The following MGAT5B variants were observed in gnomAD, a reference collection of about 807,000 sequenced individuals.
The protein encoded by MGAT5B is alpha-1,6-mannosylglycoprotein 6-beta-N-acetylglucosaminyltransferase B.
In MGAT5B, 54 loss-of-function variants were observed where a neutral mutation model predicts 95.1. That is an observed-to-expected ratio of 0.57 (90% confidence interval 0.46 to 0.71). The LOEUF is 0.71. Ranked by LOEUF, MGAT5B falls within the 30% of genes least tolerant of loss-of-function variation. The pLI is 0.00. For missense variants in MGAT5B, 935 were observed against 1,088.6 expected (o/e 0.86, Z 1.99); for synonymous variants, 464 against 451.0 (o/e 1.03, Z -0.36).
intron 3 of MGAT5B, among the ~76,000 whole-genome samples, chr17:76,885,903 T>C (rs1036841671): frequency 1.3e-5 from 2 of 152,048 alleles, no homozygotes; most frequent in Non-Finnish European, 2.9e-5. Context: ...TCCAGAAAAC[T>C]CTCAGGTGCC....
intron 2 of MGAT5B, 82 bp downstream of exon 2, chr17:76,873,045 G>T: frequency 6.6e-7 from 1 of 1,515,854 alleles, no homozygotes; most frequent in Non-Finnish European, 9.0e-7. Context: ...GCCTAGCCCT[G>T]TACCTGGCTT....
intron 2 of MGAT5B, among the ~76,000 whole-genome samples, chr17:76,876,337 G>A (rs974229551): frequency 3.3e-5 from 5 of 151,956 alleles, no homozygotes; most frequent in African/African-American, 1.2e-4. Flanking sequence ...GATCTTGGAA[G>A]TCCTGGGCCA....
chr17:76,947,832 C>G lies in MGAT5B; in HGVS notation c.1926C>G (p.Asp642Glu). ...ERIHAYIQHQ[D>E]FCRAPDPALP... The stretch of plus-strand genomic sequence containing the variant: ...TGACACTGCTCTCCTCCTTGCAGGA[C>G]TTCTGCAGAGCTCCAGACCCTGCCC... Residue 642 changes from aspartate (D) to glutamate (E), a missense_variant and splice_region_variant, in exon 17 of 18, where the codon GAC becomes GAG. Physicochemically the swap from Asp to Glu is conservative, Grantham distance 45 (BLOSUM62 2). Transcript: ENST00000569840. The G allele has an allele frequency of 2.6e-6, 4 of 1,556,886 alleles. No individual in the cohort carries two copies. The South Asian group carries it at 4.8e-5, about 19-fold the overall frequency.
intron 15 of MGAT5B, among the ~76,000 whole-genome samples, chr17:76,943,034 G>GC (rs201279890): frequency 2.3e-5 from 3 of 129,398 alleles, no homozygotes; most frequent in Admixed American, 7.3e-5. Flanking sequence ...GGGATAACTT[G>GC]CCCCCCCGGG....
intron 8 of MGAT5B, among the ~76,000 whole-genome samples, chr17:76,922,166 C>T (rs186415330): frequency 6.6e-6 from 1 of 152,296 alleles, no homozygotes; most frequent in East Asian, 1.9e-4. Context: ...AGAGAGATAA[C>T]ATGTTGCCTG....
intron 16 of MGAT5B, among the ~76,000 whole-genome samples, chr17:76,947,071 A>T (rs1409516372): frequency 6.6e-6 from 1 of 152,212 alleles, no homozygotes; most frequent in East Asian, 1.9e-4. Context: ...GATCTGAGCC[A>T]CCATGAGGGC....
In MGAT5B at chr17:76,905,417, A is replaced by G; in HGVS notation, c.855+84A>G. ...TGAGTGGGCATGGAATAGGTCTTCAAACAAGCTGTAGTGGGCTTCTGAATT... is the reference window on the plus strand; with the variant it reads ...TGAGTGGGCATGGAATAGGTCTTCAGACAAGCTGTAGTGGGCTTCTGAATT... On this transcript the variant is annotated intron_variant, in intron 7 of 17. Coordinates refer to ENST00000569840, the MANE Select transcript of MGAT5B (RefSeq NM_001199172.2). The surrounding 1 kb of genome is among the most constrained non-coding windows in gnomAD (Gnocchi z 4.2). The G allele has an allele frequency of 8.1e-7, 1 of 1,239,340 alleles. No individual in the cohort carries two copies. The highest frequency in any genetic ancestry group is 2.5e-5 in the East Asian group (1 of 39,262). The allele number at this position is 1,239,340 out of a possible 1,614,324, so 76.8% of individuals were successfully genotyped here.
At chr17:76,894,251 G>A (rs2145164571) in intron 3 of MGAT5B, among the ~76,000 whole-genome samples, 1 of 152,290 alleles carries the variant, frequency 6.6e-6, no homozygotes, top group South Asian at 2.1e-4. Context: ...GTGAACTTTG[G>A]GGCTAGGCTG....
chr17:76,921,407 C>T (rs1598966936), intron 8 of MGAT5B, among the ~76,000 whole-genome samples: 1 of 152,364 alleles, frequency 6.6e-6, no homozygotes, highest in South Asian at 2.1e-4. Context: ...TGACTTCACA[C>T]TGAGCAGGGT....
chr17:76,885,385 G>C (rs892117419), intron 3 of MGAT5B, among the ~76,000 whole-genome samples: 5 of 152,222 alleles, frequency 3.3e-5, no homozygotes, highest in African/African-American at 1.2e-4. Context: ...TGTTCCCCAG[G>C]TCAGGAGCAG....
chr17:76,903,972 G>C lies in MGAT5B; in HGVS notation c.520-280G>C, dbSNP rs1167706430. Among the ~76,000 whole-genome samples the C allele has an allele frequency of 2.0e-5, 3 of 152,228 alleles. No individual in the cohort carries two copies. In the East Asian group the frequency reaches 5.8e-4, roughly 29 times the overall value. ...ACCAGAGGGAGAGGGAGACAGCCAG[G>C]CCTCCTGGCTCTTTGCCCCAGACCT... On this transcript the variant is annotated intron_variant, in intron 5 of 17. Coordinates refer to ENST00000569840, the MANE Select transcript of MGAT5B (RefSeq NM_001199172.2).
chr17:76,899,172 C>T lies in MGAT5B; in HGVS notation c.330-3383C>T, dbSNP rs531765022. Among the ~76,000 whole-genome samples, 91 of 152,290 alleles carry T rather than the reference C, an allele frequency of 6.0e-4. 4 individuals are homozygous for T. In the South Asian group the frequency reaches 0.018, roughly 30 times the overall value. ...TGACCTGGCAGGACCCCTGGCTTGG[C>T]TTGTCTTGACATAGGTTGTTTGTGC... On this transcript the variant is annotated intron_variant, in intron 3 of 17. Coordinates refer to ENST00000569840, the MANE Select transcript of MGAT5B (RefSeq NM_001199172.2).
Position 76,917,209 on chromosome 17 carries a change from C to T in MGAT5B, c.1026-7757C>T, listed in dbSNP as rs1475508693. Among the ~76,000 whole-genome samples, 4 of 152,186 alleles carry T rather than the reference C, an allele frequency of 2.6e-5. No homozygotes were observed. The East Asian group carries it at 5.8e-4, about 22-fold the overall frequency. On this transcript the variant is annotated intron_variant, in intron 8 of 17. Coordinates refer to ENST00000569840, the MANE Select transcript of MGAT5B (RefSeq NM_001199172.2). This position sits in a 1 kb window ranked among gnomAD's most constrained non-coding sequence, Gnocchi z 6.1. Reference sequence around the variant, plus strand: ...AGGCCAGTGGCTCGGGATACGAGTGCGCTGACTGATGAGCCAGGCAGGTCC... The same window carrying T: ...AGGCCAGTGGCTCGGGATACGAGTGTGCTGACTGATGAGCCAGGCAGGTCC...
intron 15 of MGAT5B, among the ~76,000 whole-genome samples, chr17:76,943,661 G>A (rs965831941): frequency 2.6e-5 from 4 of 151,652 alleles, no homozygotes; most frequent in Middle Eastern, 3.4e-3. Flanking sequence ...GGCCAGTCTC[G>A]AACTCCTGGG....
At chr17:76,929,024 C>T (rs141775231) in intron 10 of MGAT5B, among the ~76,000 whole-genome samples, 38 of 152,140 alleles carry the variant, frequency 2.5e-4, no homozygotes, top group African/African-American at 8.2e-4. Context: ...CGTCACTTAG[C>T]CTGGCTAATT....
intron 10 of MGAT5B, among the ~76,000 whole-genome samples, chr17:76,928,951 C>T (rs559725866): frequency 2.2e-4 from 33 of 151,952 alleles, no homozygotes; most frequent in African/African-American, 8.0e-4. Context: ...CTGCAACCTC[C>T]ACCTCCCGGG....
In MGAT5B at chr17:76,904,438, G is replaced by A. The variant is rs768310072; in HGVS notation, c.690+16G>A. 9 of 1,549,640 alleles carry A rather than the reference G, an allele frequency of 5.8e-6. No homozygotes were observed. The South Asian group carries it at 1.1e-4, about 18-fold the overall frequency. On this transcript the variant is annotated intron_variant, in intron 6 of 17. Transcript: ENST00000569840. ...CAAAGTCCAGGTGGGCCTGGGAGGTGGGTGGGCCGGTGAGGGGCTGGTGTG... is the reference window on the plus strand; with the variant it reads ...CAAAGTCCAGGTGGGCCTGGGAGGTAGGTGGGCCGGTGAGGGGCTGGTGTG...
intron 3 of MGAT5B, among the ~76,000 whole-genome samples, chr17:76,902,013 G>T (rs1477465922): frequency 6.6e-6 from 1 of 152,224 alleles, no homozygotes; most frequent in Admixed American, 6.5e-5. Flanking sequence ...TGCAGATGTG[G>T]GCACATGTAC....
chr17:76,935,012 C>G (rs1969606385), intron 12 of MGAT5B, among the ~76,000 whole-genome samples: 1 of 152,136 alleles, frequency 6.6e-6, no homozygotes, highest in South Asian at 2.1e-4. Context: ...GTTGGGTGAA[C>G]TTTGTGCTAA....
Sources: allele counts gnomAD v4.1 joint callset (sites outside exome capture counted in the v4.1 genomes callset), GRCh38; gene constraint gnomAD v4.1.1; non-coding constraint Gnocchi (gnomAD v3.1); transcripts MANE v1.5; gene names NCBI Gene and HGNC (gene_info 2026-07-23, HGNC 2026-07-21).